The following ATP2B2 variants were observed in gnomAD, a reference collection of about 807,000 sequenced individuals.
ATP2B2 encodes ATPase plasma membrane Ca2+ transporting 2, also known as plasma membrane calcium-transporting ATPase 2.
ATP2B2 carries 15 observed loss-of-function variants against 120.0 expected under a neutral mutation model. That is an observed-to-expected ratio of 0.12 (90% CI 0.08 to 0.19). The LOEUF is 0.19. Ranked by LOEUF, ATP2B2 falls within the 10% of genes least tolerant of loss-of-function variation. The probability of loss-of-function intolerance (pLI) is 1.00; values close to 1 mark genes in which losing one functional copy is unlikely to be tolerated. For synonymous variants in ATP2B2, 694 were observed against 700.3 expected (o/e 0.99, Z 0.14); for missense variants, 1,045 against 1,719.8 (o/e 0.61, Z 6.94).
intron 2 of ATP2B2, among the ~76,000 whole-genome samples, chr3:10,539,074 C>T (rs1470890315): frequency 6.6e-6 from 1 of 152,156 alleles, no homozygotes; most frequent in Non-Finnish European, 1.5e-5. Flanking sequence ...CATTCCTATA[C>T]ACCAATAATA....
chr3:10,402,428 T>G lies in ATP2B2; in HGVS notation c.398-80A>C. ...CATGGGCCTGGATTTACAGCTCAGC[T>G]CTGCAAAGTAACAAGTGTTAAGAAT... On this transcript the variant is annotated intron_variant, in intron 3 of 22. Transcript: ENST00000360273. The surrounding 1 kb of genome is among the most constrained non-coding windows in gnomAD (Gnocchi z 4.9). 6.4e-7 allele frequency: 1 copy of G among 1,573,986 alleles called. No homozygotes were observed. The highest frequency in any genetic ancestry group is 8.7e-7 in the Non-Finnish European group (1 of 1,154,174).
chr3:10,417,501 C>T (rs139844144), intron 2 of ATP2B2, among the ~76,000 whole-genome samples: 3 of 152,334 alleles, frequency 2.0e-5, no homozygotes, highest in Middle Eastern at 3.4e-3. Context: ...CACCAGATGC[C>T]AGGCCCCACT....
intron 2 of ATP2B2, among the ~76,000 whole-genome samples, chr3:10,439,188 A>G (rs2063573022): frequency 6.6e-6 from 1 of 152,242 alleles, no homozygotes; most frequent in African/African-American, 2.4e-5. Context: ...CCTTTGACCC[A>G]TCTGATGTCT....
intron 2 of ATP2B2, among the ~76,000 whole-genome samples, chr3:10,554,742 T>G (rs2067743030): frequency 6.6e-6 from 1 of 152,218 alleles, no homozygotes; most frequent in Non-Finnish European, 1.5e-5. Flanking sequence ...AAATCTGCAA[T>G]GCCTAAGCCA....
intron 2 of ATP2B2, among the ~76,000 whole-genome samples, chr3:10,413,460 A>G (rs543495556): frequency 2.0e-5 from 3 of 152,334 alleles, no homozygotes; most frequent in Admixed American, 1.3e-4. Context: ...ATGAACCCAG[A>G]GCCAGGTTAG....
At chr3:10,377,938 T>A (rs1343158601) in intron 10 of ATP2B2, among the ~76,000 whole-genome samples, 1 of 152,204 alleles carries the variant, frequency 6.6e-6, no homozygotes, top group Non-Finnish European at 1.5e-5. Flanking sequence ...ATTTTACAGA[T>A]GAGGATACAG....
intron 2 of ATP2B2, among the ~76,000 whole-genome samples, chr3:10,422,017 C>T (rs968270459): frequency 1.3e-5 from 2 of 152,238 alleles, no homozygotes; most frequent in African/African-American, 2.4e-5. Flanking sequence ...CTCTCCTGTG[C>T]TGGGTTTTGG....
intron 1 of ATP2B2, among the ~76,000 whole-genome samples, chr3:10,491,417 G>A (rs2065931211): frequency 6.6e-6 from 1 of 152,064 alleles, no homozygotes; most frequent in African/African-American, 2.4e-5. Context: ...GTAGAGACGG[G>A]GTTTCACCAT....
intron 1 of ATP2B2, among the ~76,000 whole-genome samples, chr3:10,687,057 G>A (rs113285945): frequency 2.6e-5 from 4 of 152,218 alleles, no homozygotes; most frequent in Non-Finnish European, 4.4e-5. Flanking sequence ...TAGGGACCAC[G>A]ATATGGGTCA....
intron 2 of ATP2B2, among the ~76,000 whole-genome samples, chr3:10,427,537 C>G (rs1018299762): frequency 6.6e-6 from 1 of 152,222 alleles, no homozygotes; most frequent in African/African-American, 2.4e-5. Context: ...CTTGGTCATT[C>G]ATTCATTCCC....
At chr3:10,398,775 C>A in intron 5 of ATP2B2, among the ~76,000 whole-genome samples, 1 of 152,198 alleles carries the variant, frequency 6.6e-6, no homozygotes, top group East Asian at 1.9e-4. Context: ...GCTCCCCAAG[C>A]TCCCCAAAGC....
At chr3:10,560,078 A>G (rs1409571014) in intron 2 of ATP2B2, among the ~76,000 whole-genome samples, 2 of 152,240 alleles carry the variant, frequency 1.3e-5, no homozygotes, top group Non-Finnish European at 2.9e-5. Context: ...AGACCCTTTC[A>G]AATCTAGCAG....
At chr3:10,647,602 G>T (rs1049332125) in intron 1 of ATP2B2, among the ~76,000 whole-genome samples, 1 of 152,090 alleles carries the variant, frequency 6.6e-6, no homozygotes, top group East Asian at 1.9e-4. Context: ...CCCTGGTAAG[G>T]TTTCGGAGAA....
At chr3:10,398,000 G>A (rs1414484511) in intron 5 of ATP2B2, among the ~76,000 whole-genome samples, 4 of 152,102 alleles carry the variant, frequency 2.6e-5, no homozygotes, top group Non-Finnish European at 5.9e-5. Flanking sequence ...TGACTCCCAC[G>A]CAATTGCATT....
At chr3:10,408,329 GT>G (rs1358611952) in intron 3 of ATP2B2, among the ~76,000 whole-genome samples, 2 of 152,046 alleles carry the variant, frequency 1.3e-5, no homozygotes, top group East Asian at 3.9e-4. Flanking sequence ...CTGTCTCAGG[GT>G]TTTTTGTTTG....
intron 2 of ATP2B2, among the ~76,000 whole-genome samples, chr3:10,559,779 G>GT (rs2067862392): frequency 6.6e-6 from 1 of 152,216 alleles, no homozygotes; most frequent in African/African-American, 2.4e-5. Context: ...GGAGACACAA[G>GT]TTCCACCAGT....
chr3:10,620,603 C>A (rs1385094427), intron 1 of ATP2B2, among the ~76,000 whole-genome samples: 1 of 152,228 alleles, frequency 6.6e-6, no homozygotes, highest in Middle Eastern at 3.4e-3. Flanking sequence ...GATGGGAGGA[C>A]GGGGTGGCTT....
rs960972913 is a variant in ATP2B2, at chr3:10,347,006, C to T, written c.2405-869G>A. Among the ~76,000 whole-genome samples the T allele has an allele frequency of 6.6e-6, 1 of 152,152 alleles. No individual in the cohort carries two copies. The highest frequency in any genetic ancestry group is 2.4e-5 in the African/African-American group (1 of 41,422). The stretch of plus-strand genomic sequence containing the variant: ...GGACTCCCCCTCCAACTTGCTTCCC[C>T]ACAGCAACCTCAGGATCTCTCTAAC... On this transcript the variant is annotated intron_variant, in intron 16 of 22. Transcript: ENST00000360273. This position sits in a 1 kb window ranked among gnomAD's most constrained non-coding sequence, Gnocchi z 5.2.
intron 2 of ATP2B2, among the ~76,000 whole-genome samples, chr3:10,612,423 C>A (rs2069266030): frequency 6.6e-6 from 1 of 152,182 alleles, no homozygotes; most frequent in South Asian, 2.1e-4. Context: ...CCCTTCCTTG[C>A]AAAGCACTTG....
Sources: allele counts gnomAD v4.1 joint callset (sites outside exome capture counted in the v4.1 genomes callset), GRCh38; gene constraint gnomAD v4.1.1; non-coding constraint Gnocchi (gnomAD v3.1); transcripts MANE v1.5; gene names NCBI Gene and HGNC (gene_info 2026-07-23, HGNC 2026-07-21).